GPR157: variants seen among roughly 807,000 people sequenced by gnomAD.
GPR157 encodes G protein-coupled receptor 157.
GPR157 carries 16 observed loss-of-function variants against 23.5 expected under a neutral mutation model. The ratio of observed to expected loss-of-function variants is 0.68; its 90% CI spans 0.46 to 1.04. GPR157 has a LOEUF of 1.04. Among genes scored for constraint, GPR157 ranks in the 50% least tolerant of loss-of-function variants. The pLI is 0.00. For synonymous variants in GPR157, 200 were observed against 221.5 expected, an observed-to-expected ratio of 0.90 and a Z score of 0.86; for missense variants, 440 against 460.7, an observed-to-expected ratio of 0.96 and a Z score of 0.41.
intron 1 of GPR157, among the ~76,000 whole-genome samples, chr1:9,117,177 C>G (rs184947704): frequency 3.3e-5 from 5 of 152,112 alleles, no homozygotes; most frequent in Admixed American, 6.6e-5. Context: ...TAATACTGGT[C>G]GTATCTAACA....
At chr1:9,107,992 TGAGGTGGAAGTTGCAGTGAGCCA>T (rs70985586) in intron 2 of GPR157, among the ~76,000 whole-genome samples, 18,022 of 151,992 alleles carry the variant, frequency 0.12, 1,168 homozygotes, top group Middle Eastern at 0.2. Flanking sequence ...CTCAGGAGAC[TGAGGTGGAAGTTGCAGTGAGCCA>T]GAGGTGGAAG....
chr1:9,115,671 C>A (rs1304422972), intron 1 of GPR157, among the ~76,000 whole-genome samples: 2 of 151,916 alleles, frequency 1.3e-5, no homozygotes, highest in Non-Finnish European at 2.9e-5. Context: ...TTTTTACATA[C>A]TGGGTTTTCT....
In GPR157 at chr1:9,101,727, T is replaced by A. The variant is rs1195404522; in HGVS notation, c.*2692A>T. 6.6e-6 allele frequency: 1 copy of A among 152,104 alleles called. No individual in the cohort carries two copies. Among genetic ancestry groups the A allele is most frequent in the African/African-American group, 2.4e-5 (1 of 41,406 alleles). 9.4% of individuals were successfully genotyped at this position (152,104 alleles called of 1,614,324 possible). A position where few individuals can be genotyped will look rare whatever the true frequency, so the allele number is the denominator to read the frequency against. ...AGCAGGTATTTTCTGAGCCCTCAGCTCCCTCTACAGGCCTTTCCTGACCAC... is the reference window on the plus strand; with the variant it reads ...AGCAGGTATTTTCTGAGCCCTCAGCACCCTCTACAGGCCTTTCCTGACCAC... On this transcript the variant is annotated 3_prime_UTR_variant, in exon 4 of 4. Coordinates refer to ENST00000377411, the MANE Select transcript of GPR157 (RefSeq NM_024980.5).
intron 1 of GPR157, among the ~76,000 whole-genome samples, chr1:9,119,141 T>C (rs1638747851): frequency 6.6e-6 from 1 of 151,890 alleles, no homozygotes; most frequent in African/African-American, 2.4e-5. Context: ...CAAGCGATTC[T>C]TCTGCCTCAG....
At position 9,120,513 on chromosome 1, in the gene GPR157, G is replaced by A. The variant is rs1285405259; in HGVS notation, c.383+8132C>T. 6.6e-6 allele frequency among the ~76,000 whole-genome samples: 1 copy of A among 152,200 alleles called. No homozygotes were observed. Among genetic ancestry groups the A allele is most frequent in the Non-Finnish European group, 1.5e-5 (1 of 68,030 alleles). On this transcript the variant is annotated intron_variant, in intron 1 of 3. Transcript: ENST00000377411. This position sits in a 1 kb window ranked among gnomAD's most constrained non-coding sequence, Gnocchi z 4.1. ...CCAGCTGTAGGGAGTGAGGCCTGGT[G>A]AGAGGCTGCCTGGAGGTTTCTTCCC... is the stretch of plus-strand genomic sequence containing the variant.
chr1:9,128,918 G>C lies in GPR157; in HGVS notation c.110C>G (p.Ala37Gly). The stretch of plus-strand genomic sequence containing the variant: ...CCGGCTGCGCAGGTCGGGCCACAGG[G>C]CGTGCGTGGCCACCAGCAGGCCCGA... The part of the protein sequence containing the change: ...LGSGLLVATH[A>G]LWPDLRSRAR... The change falls in exon 1 of 4, where the codon GCC (alanine) becomes GGC (glycine). Residue 37 changes from alanine to glycine, a missense_variant. Ala to Gly is a moderately conservative substitution (Grantham distance 60, BLOSUM62 0). Coordinates refer to ENST00000377411, the MANE Select transcript of GPR157 (RefSeq NM_024980.5). The surrounding 1 kb of genome is among the most constrained non-coding windows in gnomAD (Gnocchi z 6.3). 6.5e-7 allele frequency: 1 copy of C among 1,540,492 alleles called. No homozygotes were observed. Among genetic ancestry groups the C allele is most frequent in the Non-Finnish European group, 8.7e-7 (1 of 1,145,352 alleles).
chr1:9,123,218 T>A (rs1170801026), intron 1 of GPR157, among the ~76,000 whole-genome samples: 1 of 125,856 alleles, frequency 7.9e-6, no homozygotes, highest in African/African-American at 3.0e-5. Context: ...ATATATTTAT[T>A]AAAATATATA....
At chr1:9,125,937 A>G (rs1231733652) in intron 1 of GPR157, among the ~76,000 whole-genome samples, 3 of 151,496 alleles carry the variant, frequency 2.0e-5, no homozygotes, top group Non-Finnish European at 2.9e-5. Flanking sequence ...AATGCCAGTG[A>G]AACTCGCATT....
In GPR157 at chr1:9,118,068, C is replaced by T. The variant is rs532155978; in HGVS notation, c.384-6579G>A. Among the ~76,000 whole-genome samples the T allele has an allele frequency of 1.3e-5, 2 of 152,328 alleles. No homozygotes were observed. Among genetic ancestry groups the T allele is most frequent in the East Asian group, 3.9e-4 (2 of 5,188 alleles). The stretch of plus-strand genomic sequence containing the variant: ...CCTGTGAGTGGACATCTGCAGCTCA[C>T]ATTCTAAACCTGAGACTGACAAGCT... On this transcript the variant is annotated intron_variant, in intron 1 of 3. Transcript: ENST00000377411. The surrounding 1 kb of genome is among the most constrained non-coding windows in gnomAD (Gnocchi z 4.6).
chr1:9,119,406 A>G (rs1416896899), intron 1 of GPR157, among the ~76,000 whole-genome samples: 1 of 152,202 alleles, frequency 6.6e-6, no homozygotes, highest in African/African-American at 2.4e-5. Flanking sequence ...TACAAAGGGA[A>G]GATCAAGTGA....
Position 9,102,305 on chromosome 1 carries a change from G to C in GPR157, c.*2114C>G, listed in dbSNP as rs1391804353. 1 of 151,242 alleles carries C rather than the reference G, an allele frequency of 6.6e-6. No individual in the cohort carries two copies. The highest frequency in any genetic ancestry group is 2.4e-5 in the African/African-American group (1 of 40,968). The allele number at this position is 151,242 out of a possible 1,614,324, so 9.4% of individuals were successfully genotyped here. A position where few individuals can be genotyped will look rare whatever the true frequency, so the allele number is the denominator to read the frequency against. On this transcript the variant is annotated 3_prime_UTR_variant, in exon 4 of 4. Transcript: ENST00000377411. ...GCATGCCTGTAATCCCAGCAGCTTG[G>C]GATTGGGAAGCAGGAGAATCGCTTG... is the stretch of plus-strand genomic sequence containing the variant.
At chr1:9,115,437 G>A (rs191332117) in intron 1 of GPR157, among the ~76,000 whole-genome samples, 17 of 152,250 alleles carry the variant, frequency 1.1e-4, no homozygotes, top group African/African-American at 3.9e-4. Context: ...AAATGAGAGC[G>A]CTCCGTGGCA....
intron 1 of GPR157, among the ~76,000 whole-genome samples, chr1:9,127,258 A>C (rs1335922723): frequency 6.6e-6 from 1 of 150,866 alleles, no homozygotes; most frequent in Non-Finnish European, 1.5e-5. Flanking sequence ...GAACAGAAAA[A>C]CCCCCAACTC....
chr1:9,104,819 G>C (rs1362032368), intron 3 of GPR157, among the ~76,000 whole-genome samples, 185 bp from the exon 4 acceptor site: 4 of 151,966 alleles, frequency 2.6e-5, no homozygotes, highest in Non-Finnish European at 4.4e-5. Flanking sequence ...TGGCCAACAA[G>C]GTGAAACCCT....
chr1:9,127,633 T>C (rs1461931077), intron 1 of GPR157, among the ~76,000 whole-genome samples: 2 of 152,356 alleles, frequency 1.3e-5, no homozygotes, highest in East Asian at 3.9e-4. Context: ...CCGGCCTCAG[T>C]GCACAACTGA....
Position 9,105,364 on chromosome 1 carries a change from G to A in GPR157, c.792+122C>T. 26 of 856,330 alleles carry A rather than the reference G, an allele frequency of 3.0e-5. No individual in the cohort carries two copies. The highest frequency in any genetic ancestry group is 4.5e-5 in the Non-Finnish European group (25 of 560,958). The allele number at this position is 856,330 out of a possible 1,614,324, so 53.0% of individuals were successfully genotyped here. ...GAGGAAGGCACAGCACAGTGGGGCCGAGCTCCTCCCTGCAGCTGTGCCTTG... is the reference window on the plus strand; with the variant it reads ...GAGGAAGGCACAGCACAGTGGGGCCAAGCTCCTCCCTGCAGCTGTGCCTTG... On this transcript the variant is annotated intron_variant, in intron 3 of 3. Coordinates refer to ENST00000377411, the MANE Select transcript of GPR157 (RefSeq NM_024980.5). This position sits in a 1 kb window ranked among gnomAD's most constrained non-coding sequence, Gnocchi z 4.8.
intron 2 of GPR157, among the ~76,000 whole-genome samples, chr1:9,109,256 T>C (rs561906814): frequency 9.9e-5 from 15 of 151,804 alleles, no homozygotes; most frequent in Middle Eastern, 6.8e-3. Flanking sequence ...CTAATTTTTG[T>C]ATTTTTATTA....
intron 1 of GPR157, among the ~76,000 whole-genome samples, chr1:9,123,354 TTTAAATATATATTTAAA>T (rs1557700886): frequency 3.4e-5 from 1 of 29,724 alleles, no homozygotes; most frequent in African/African-American, 1.1e-4. Flanking sequence ...ATATATTTAA[TTTAAATATATATTTAAA>T]TTAAATATAT....
rs555957933 is a variant in GPR157, at chr1:9,104,507, G to A, written c.920C>T (p.Pro307Leu). 11 of 1,613,890 alleles carry A rather than the reference G, an allele frequency of 6.8e-6. No individual in the cohort carries two copies. The highest frequency in any genetic ancestry group is 4.5e-5 in the East Asian group (2 of 44,880). Residue 307 changes from proline (P) to leucine (L), a missense_variant, in exon 4 of 4, where the codon CCG (proline) becomes CTG (leucine). Coordinates refer to ENST00000377411, the MANE Select transcript of GPR157 (RefSeq NM_024980.5). Reference protein sequence around the residue: ...CCSSQPPTKSPAGTPKAPAPS... With the variant: ...CCSSQPPTKSLAGTPKAPAPS... ...CGCGGGAGCCTTGGGAGTGCCAGCC[G>A]GGCTCTTGGTGGGAGGCTGAGAAGA...
Sources: gnomAD v4.1 joint callset for allele counts (sites outside exome capture counted in the v4.1 genomes callset) on GRCh38, gnomAD v4.1.1 for gene constraint, Gnocchi (gnomAD v3.1) non-coding constraint, MANE v1.5 for transcripts, NCBI Gene and HGNC (gene_info 2026-07-23, HGNC 2026-07-21) for gene names.